RNF19B: variants seen among roughly 807,000 people sequenced by gnomAD.
RNF19B encodes the protein E3 ubiquitin-protein ligase RNF19B.
A neutral mutation model predicts 65.5 loss-of-function variants in RNF19B; 23 were observed. That is an observed-to-expected ratio of 0.35 (90% CI 0.25 to 0.50). The LOEUF is 0.50. Among genes scored for constraint, RNF19B ranks in the 20% least tolerant of loss-of-function variants. The pLI is 0.98. For missense variants in RNF19B, 794 were observed against 980.0 expected, an observed-to-expected ratio of 0.81 and a Z score of 2.53; for synonymous variants, 372 against 379.6, an observed-to-expected ratio of 0.98 and a Z score of 0.23.
chr1:32,929,741 C>T, the RNF19B span, among the ~76,000 whole-genome samples: 1 of 152,176 alleles, frequency 6.6e-6, no homozygotes, highest in Non-Finnish European at 1.5e-5. Flanking sequence ...CAAAACAGGC[C>T]TCTATTTGCC....
chr1:32,945,217 G>A (rs1642337462), intron 5 of RNF19B, among the ~76,000 whole-genome samples: 1 of 152,180 alleles, frequency 6.6e-6, no homozygotes. Flanking sequence ...TTCATGGCAA[G>A]TAGAGAAGGA....
the RNF19B span, among the ~76,000 whole-genome samples, chr1:32,930,783 A>G: frequency 6.6e-6 from 1 of 152,280 alleles, no homozygotes; most frequent in East Asian, 1.9e-4. Context: ...GTTTCATCCA[A>G]CAACCTGTTA....
intron 2 of RNF19B, among the ~76,000 whole-genome samples, chr1:32,948,883 T>C (rs1204268483): frequency 6.6e-6 from 1 of 152,238 alleles, no homozygotes; most frequent in African/African-American, 2.4e-5. Flanking sequence ...CTGGGTATGC[T>C]ATCTACCATA....
downstream of RNF19B, among the ~76,000 whole-genome samples, chr1:32,931,801 T>A (rs1437480830): frequency 6.6e-6 from 1 of 152,234 alleles, no homozygotes; most frequent in African/African-American, 2.4e-5. Context: ...CCCCATTTCT[T>A]ACATGATGAT....
At chr1:32,938,140 CAAAAAAA>C (rs80176999) in intron 8 of RNF19B, among the ~76,000 whole-genome samples, 21 of 46,056 alleles carry the variant, frequency 4.6e-4, no homozygotes, top group South Asian at 2.1e-3. Flanking sequence ...CCAAGAAAGA[CAAAAAAA>C]AAAAAAAAAA....
intron 1 of RNF19B, among the ~76,000 whole-genome samples, chr1:32,962,004 GCT>G (rs1324846516): frequency 6.6e-6 from 1 of 150,388 alleles, no homozygotes; most frequent in Non-Finnish European, 1.5e-5. Flanking sequence ...ACAGAATCTC[GCT>G]CTGTCACCCA....
In RNF19B at chr1:32,964,101, G is replaced by A. The variant is rs2124200671; in HGVS notation, c.585C>T (p.Arg195=). Residue 195 remains arginine (R), a synonymous_variant, in exon 1 of 9, where the codon CGC becomes CGT. Coordinates refer to ENST00000235150, the MANE Select transcript of RNF19B (RefSeq NM_001300826.2). This position sits in a 1 kb window ranked among gnomAD's most constrained non-coding sequence, Gnocchi z 6.5. ...MHKYEEFMLR[R]YLASDPDCRW... ...GGCAGTCGGGGTCCGAGGCTAGGTA[G>A]CGGCGCAGCATGAACTCCTCGTACT... 6.5e-7 allele frequency: 1 copy of A among 1,530,808 alleles called. No homozygotes were observed. Among genetic ancestry groups the A allele is most frequent in the South Asian group, 1.2e-5 (1 of 82,230 alleles). 94.8% of individuals were successfully genotyped at this position (1,530,808 alleles called of 1,614,324 possible).
At chr1:32,946,618 T>C (rs1282230268) in intron 3 of RNF19B, 54 bp from the exon 4 acceptor site, 2 of 1,518,898 alleles carry the variant, frequency 1.3e-6, no homozygotes, top group African/African-American at 1.4e-5. Flanking sequence ...CAGCTAGTAT[T>C]ATCATAGGGC....
chr1:32,937,313 T>C (rs755450379), intron 8 of RNF19B, 54 bp from the exon 9 acceptor site: 4 of 1,609,444 alleles, frequency 2.5e-6, no homozygotes, highest in African/African-American at 1.3e-5. Context: ...GCTAAACCTG[T>C]TGGTAAAAGC....
At chr1:32,950,218 CCG>C (rs1407845252) in intron 1 of RNF19B, among the ~76,000 whole-genome samples, 1 of 152,154 alleles carries the variant, frequency 6.6e-6, no homozygotes, top group Non-Finnish European at 1.5e-5. Context: ...GGTGATCCAC[CCG>C]CCTCGGCCTC....
At chr1:32,929,931 T>C in the RNF19B span, among the ~76,000 whole-genome samples, 1 of 152,216 alleles carries the variant, frequency 6.6e-6, no homozygotes, top group East Asian at 1.9e-4. Context: ...CTTAGCTTCA[T>C]TTCCAGCCTA....
At chr1:32,951,775 C>T (rs1642504712) in intron 1 of RNF19B, among the ~76,000 whole-genome samples, 1 of 151,936 alleles carries the variant, frequency 6.6e-6, no homozygotes, top group Non-Finnish European at 1.5e-5. Context: ...AAGGCCATAC[C>T]TCCCTTTCTC....
chr1:32,949,878 C>T, intron 1 of RNF19B, 104 bp from the exon 2 acceptor site: 1 of 785,874 alleles, frequency 1.3e-6, no homozygotes, highest in Non-Finnish European at 2.1e-6. Flanking sequence ...CCCACTATCA[C>T]ATATGATACA....
At chr1:32,938,340 G>A in intron 8 of RNF19B, 57 bp downstream of exon 8, 1 of 1,599,024 alleles carries the variant, frequency 6.3e-7, no homozygotes, top group Non-Finnish European at 8.6e-7. Flanking sequence ...AACTTCTGAA[G>A]ACCTAGTACC....
At chr1:32,935,037 G>A (rs188581055), downstream of RNF19B, among the ~76,000 whole-genome samples, 35 of 151,694 alleles carry the variant, frequency 2.3e-4, no homozygotes, top group East Asian at 5.9e-4. Flanking sequence ...TCACCATGTT[G>A]GCCAGGATGG....
rs1373685465 is a variant in RNF19B at position 32,944,094 on chromosome 1, C to T, written c.1327G>A (p.Gly443Ser). The T allele has an allele frequency of 1.2e-6, 2 of 1,613,930 alleles. No individual in the cohort carries two copies. The highest frequency in any genetic ancestry group is 1.3e-5 in the African/African-American group (1 of 74,906). ...GVVPISLCRGGGCGVSTANGK... is the reference protein window; with the variant it reads ...GVVPISLCRGSGCGVSTANGK... Reference sequence around the variant, plus strand: ...TTGGCTGTGCTAACTCCACAGCCGCCTCCACGACAAAGAGAAATGGGCACA... The same window carrying T: ...TTGGCTGTGCTAACTCCACAGCCGCTTCCACGACAAAGAGAAATGGGCACA... The change falls in exon 6 of 9, where the codon GGC (glycine) becomes AGC (serine). Residue 443 changes from glycine (G) to serine (S), a missense_variant. Gly to Ser is a moderately conservative substitution (Grantham distance 56, BLOSUM62 0). Around this residue, in one of 3 missense-constraint regions of RNF19B, gnomAD observed 368 missense variants for 447.3 expected, o/e 0.82. Transcript: ENST00000235150.
chr1:32,964,062 G>C lies in RNF19B; in HGVS notation c.624C>G (p.Ala208=). ...GCCCCCGCGCTCACCCGCAGTCCGG[G>C]GCCGGGCACCAGCGGCAGTCGGGGT... is the stretch of plus-strand genomic sequence containing the variant. The part of the protein sequence containing the change: ...ASDPDCRWCP[A]PDCGYAVIAY... Residue 208 remains alanine (A), a synonymous_variant, in exon 1 of 9, where the codon GCC becomes GCG. Coordinates refer to ENST00000235150, the MANE Select transcript of RNF19B (RefSeq NM_001300826.2). This position sits in a 1 kb window ranked among gnomAD's most constrained non-coding sequence, Gnocchi z 6.5. 2 of 1,512,954 alleles carry C rather than the reference G, an allele frequency of 1.3e-6. No individual in the cohort carries two copies. The highest frequency in any genetic ancestry group is 2.8e-5 in the East Asian group (1 of 36,108). The allele number at this position is 1,512,954 out of a possible 1,614,324, so 93.7% of individuals were successfully genotyped here.
In RNF19B at chr1:32,937,197, A is replaced by G; in HGVS notation, c.1805T>C (p.Val602Ala). 1 of 1,613,866 alleles carries G rather than the reference A, an allele frequency of 6.2e-7. No homozygotes were observed. Among genetic ancestry groups the G allele is most frequent in the Non-Finnish European group, 8.5e-7 (1 of 1,179,978 alleles). ...IEAKPSHYQL[V>A]SGSSTEDSLH... ...CGAGTCCTCCGTGCTGCTTCCACTCACCAGCTGATAGTGGCTTGGTTTGGC... is the reference window on the plus strand; with the variant it reads ...CGAGTCCTCCGTGCTGCTTCCACTCGCCAGCTGATAGTGGCTTGGTTTGGC... Residue 602 changes from valine to alanine, a missense_variant, in exon 9 of 9, where the codon GTG (valine) becomes GCG (alanine). By Grantham distance (64) the Val-to-Ala change is moderately conservative. Coordinates refer to ENST00000235150, the MANE Select transcript of RNF19B (RefSeq NM_001300826.2).
At chr1:32,960,343 G>T (rs898832426) in intron 1 of RNF19B, among the ~76,000 whole-genome samples, 1 of 152,174 alleles carries the variant, frequency 6.6e-6, no homozygotes, top group Non-Finnish European at 1.5e-5. Flanking sequence ...AATTTGGCTG[G>T]CAAGAACTTT....
Sources: allele counts gnomAD v4.1 joint callset (sites outside exome capture counted in the v4.1 genomes callset), GRCh38; gene constraint gnomAD v4.1.1; regional missense constraint gnomAD v4.1.1; non-coding constraint Gnocchi (gnomAD v3.1); transcripts MANE v1.5; gene names NCBI Gene and HGNC (gene_info 2026-07-23, HGNC 2026-07-21).